The following COL5A2 variants were observed in gnomAD, a reference collection of about 807,000 sequenced individuals.
The protein encoded by COL5A2 is collagen type V alpha 2 chain.
In COL5A2, 23 loss-of-function variants were observed where a neutral mutation model predicts 208.2. The ratio of observed to expected loss-of-function variants is 0.11; its 90% confidence interval spans 0.08 to 0.16. COL5A2 has a LOEUF of 0.16. Ranked by LOEUF, COL5A2 falls within the 10% of genes least tolerant of loss-of-function variation. The probability of loss-of-function intolerance (pLI) is 1.00; values close to 1 mark genes in which losing one functional copy is unlikely to be tolerated. For missense variants in COL5A2, 1,590 were observed against 1,956.4 expected, an observed-to-expected ratio of 0.81 and a Z score of 3.53; for synonymous variants, 625 against 628.5, an observed-to-expected ratio of 0.99 and a Z score of 0.08.
chr2:189,053,391 T>C lies in COL5A2; in HGVS notation c.2553+33A>G. 3 of 1,570,928 alleles carry C rather than the reference T, an allele frequency of 1.9e-6. No homozygotes were observed. In the East Asian group the frequency reaches 6.7e-5, roughly 35 times the overall value. On this transcript the variant is annotated intron_variant, in intron 38 of 53. Coordinates refer to ENST00000374866, the MANE Select transcript of COL5A2 (RefSeq NM_000393.5). Reference sequence around the variant, plus strand: ...AACTTATTATAACAAGATAAGTGTTTATTTGTAAATTAGGGATATTTGAAA... The same window carrying C: ...AACTTATTATAACAAGATAAGTGTTCATTTGTAAATTAGGGATATTTGAAA...
At chr2:189,145,734 C>T (rs748699755) in intron 1 of COL5A2, among the ~76,000 whole-genome samples, 3 of 151,832 alleles carry the variant, frequency 2.0e-5, no homozygotes, top group Non-Finnish European at 4.4e-5. Context: ...TAGGGGAAGA[C>T]CCATATAATA....
the COL5A2 span, among the ~76,000 whole-genome samples, chr2:189,319,559 T>A: frequency 6.6e-6 from 1 of 152,232 alleles, no homozygotes; most frequent in Admixed American, 6.5e-5. Context: ...CACGGAGCCT[T>A]GCTCATTGCT....
At chr2:189,035,489 G>T (rs1292057669) in intron 52 of COL5A2, among the ~76,000 whole-genome samples, 1 of 151,678 alleles carries the variant, frequency 6.6e-6, no homozygotes, top group Non-Finnish European at 1.5e-5. Context: ...ATAAAAATTA[G>T]AATTAACTAG....
chr2:189,106,054 A>G (rs2105702864), intron 2 of COL5A2, among the ~76,000 whole-genome samples: 1 of 151,598 alleles, frequency 6.6e-6, no homozygotes, highest in South Asian at 2.1e-4. Flanking sequence ...TTGTAGGGCT[A>G]GTCATCCTTA....
chr2:189,272,283 T>A, the COL5A2 span, among the ~76,000 whole-genome samples: 5 of 152,088 alleles, frequency 3.3e-5, no homozygotes, highest in African/African-American at 1.2e-4. Flanking sequence ...AATGATAGAC[T>A]GGATAAGGAA....
intron 2 of COL5A2, among the ~76,000 whole-genome samples, chr2:189,109,830 A>T (rs1687225109): frequency 6.6e-6 from 1 of 152,196 alleles, no homozygotes; most frequent in Admixed American, 6.5e-5. Flanking sequence ...ATTCACTAGG[A>T]CAAAGTTGGC....
At chr2:189,227,232 C>A (rs1358194099), upstream of COL5A2, among the ~76,000 whole-genome samples, 1 of 151,982 alleles carries the variant, frequency 6.6e-6, no homozygotes. Context: ...CAAAATAAAT[C>A]TCCAGAAATT....
intron 1 of COL5A2, among the ~76,000 whole-genome samples, chr2:189,188,721 A>G (rs1688884907): frequency 6.6e-6 from 1 of 152,180 alleles, no homozygotes; most frequent in South Asian, 2.1e-4. Context: ...TAAAAAGTTA[A>G]AGGCCTAAGT....
At chr2:189,362,951 T>C in the COL5A2 span, among the ~76,000 whole-genome samples, 1 of 152,068 alleles carries the variant, frequency 6.6e-6, no homozygotes, top group Non-Finnish European at 1.5e-5. Context: ...ATCAGCTATA[T>C]GCTAGTAAAT....
chr2:189,211,132 G>C (rs1441036526), intron 1 of COL5A2, among the ~76,000 whole-genome samples: 1 of 152,176 alleles, frequency 6.6e-6, no homozygotes, highest in Admixed American at 6.5e-5. Context: ...TGGGTAAATT[G>C]TGAAGCCCTA....
intron 12 of COL5A2, among the ~76,000 whole-genome samples, chr2:189,083,140 G>A (rs1686574253): frequency 6.6e-6 from 1 of 152,186 alleles, no homozygotes; most frequent in Non-Finnish European, 1.5e-5. Flanking sequence ...ATGGGAGAGT[G>A]AATGTTTAGG....
chr2:189,383,972 T>G, the COL5A2 span, among the ~76,000 whole-genome samples: 1 of 152,096 alleles, frequency 6.6e-6, no homozygotes, highest in South Asian at 2.1e-4. Flanking sequence ...ATGAGATCAT[T>G]TTTTTAGCTC....
Position 189,057,050 on chromosome 2 carries a change from T to C in COL5A2, c.2338-24A>G, listed in dbSNP as rs73978812. ...CCCTGGGAAAACACACAAAATACAATTGATTCATTTAATTGTCTCTTTCCC... is the reference window on the plus strand; with the variant it reads ...CCCTGGGAAAACACACAAAATACAACTGATTCATTTAATTGTCTCTTTCCC... On this transcript the variant is annotated intron_variant, in intron 34 of 53. Transcript: ENST00000374866. 33,797 of 1,608,310 alleles carry C rather than the reference T, an allele frequency of 0.021. 442 individuals carry two copies. Among genetic ancestry groups the C allele is most frequent in the Non-Finnish European group, 0.023 (26,641 of 1,174,780 alleles).
At chr2:189,286,491 A>G in the COL5A2 span, among the ~76,000 whole-genome samples, 130,101 of 152,076 alleles carry the variant, frequency 0.86, 56,761 homozygotes, top group Non-Finnish European at 0.95. Flanking sequence ...GGGTTGAAGT[A>G]TTGCTTTATT....
At chr2:189,278,206 G>A in the COL5A2 span, among the ~76,000 whole-genome samples, 106 of 152,058 alleles carry the variant, frequency 7.0e-4, no homozygotes, top group Admixed American at 3.9e-3. Flanking sequence ...TCTACATCTG[G>A]TCAGACATTG....
At chr2:189,418,179 A>G in the COL5A2 span, among the ~76,000 whole-genome samples, 2 of 152,162 alleles carry the variant, frequency 1.3e-5, no homozygotes, top group African/African-American at 4.8e-5. Context: ...AAAAAATGAC[A>G]TGTCTTTCCA....
chr2:189,237,105 T>C, the COL5A2 span, among the ~76,000 whole-genome samples: 2 of 151,788 alleles, frequency 1.3e-5, no homozygotes, highest in Admixed American at 6.6e-5. Flanking sequence ...ACTATTTTTA[T>C]CTGGAATCTG....
chr2:189,202,282 T>C (rs530657268), intron 1 of COL5A2, among the ~76,000 whole-genome samples: 1 of 151,960 alleles, frequency 6.6e-6, no homozygotes, highest in Non-Finnish European at 1.5e-5. Flanking sequence ...GTAGAATAAA[T>C]CAAAAGAATA....
chr2:189,041,931 T>A (rs1269431626), intron 49 of COL5A2, among the ~76,000 whole-genome samples: 1 of 152,240 alleles, frequency 6.6e-6, no homozygotes, highest in Non-Finnish European at 1.5e-5. Context: ...TTTAATGGAC[T>A]AATCACCTAC....
Sources: gnomAD v4.1 joint callset for allele counts (sites outside exome capture counted in the v4.1 genomes callset) on GRCh38, gnomAD v4.1.1 for gene constraint, MANE v1.5 for transcripts, NCBI Gene and HGNC (gene_info 2026-07-23, HGNC 2026-07-21) for gene names.